Variants in NEO1 observed in about 807,000 individuals in gnomAD.
NEO1 encodes neogenin 1.
NEO1 carries 63 observed loss-of-function variants against 159.7 expected under a neutral mutation model. The observed-to-expected ratio is 0.39, with a 90% confidence interval of 0.32 to 0.49. The LOEUF (loss-of-function observed/expected upper bound fraction) is 0.49, where lower values mean the gene tolerates loss of function less well. Among genes scored for constraint, NEO1 ranks in the 20% least tolerant of loss-of-function variants. The pLI is 0.85. For synonymous variants in NEO1, 633 were observed against 662.0 expected, an observed-to-expected ratio of 0.96 and a Z score of 0.67; for missense variants, 1,615 against 1,831.0, an observed-to-expected ratio of 0.88 and a Z score of 2.15.
intron 1 of NEO1, among the ~76,000 whole-genome samples, chr15:73,109,299 A>G (rs1480160407): frequency 2.0e-5 from 3 of 152,178 alleles, no homozygotes; most frequent in Admixed American, 6.6e-5. Flanking sequence ...ATTTTATACA[A>G]ATTCTCTCTC....
chr15:73,288,368 A>G lies in NEO1; in HGVS notation c.3466A>G (p.Lys1156Glu). ...NGSHKYKGNS[K>E]DVKPPDLWIH... ...CTCTCATAAGTACAAAGGGAATTCC[A>G]AAGATGTGAAACCTCCAGATCTCTG... Residue 1156 changes from lysine to glutamate, a missense_variant, in exon 24 of 29, where the codon AAA becomes GAA. By Grantham distance (56) the Lys-to-Glu change is moderately conservative (BLOSUM62 1). Around this residue, in one of 3 missense-constraint regions of NEO1, gnomAD observed 471 missense variants for 498.9 expected, o/e 0.94. Transcript: ENST00000261908. 1 of 1,614,190 alleles carries G rather than the reference A, an allele frequency of 6.2e-7. No individual in the cohort carries two copies. Among genetic ancestry groups the G allele is most frequent in the South Asian group, 1.1e-5 (1 of 91,090 alleles).
intron 1 of NEO1, among the ~76,000 whole-genome samples, chr15:73,073,762 A>G (rs2068644225): frequency 6.6e-6 from 1 of 152,180 alleles, no homozygotes; most frequent in South Asian, 2.1e-4. Context: ...TTGGTTGACC[A>G]GAGAGGTAGG....
At chr15:73,127,206 G>A (rs1051440897) in intron 4 of NEO1, among the ~76,000 whole-genome samples, 1 of 149,680 alleles carries the variant, frequency 6.7e-6, no homozygotes, top group African/African-American at 2.5e-5. Flanking sequence ...ACTCTAGCCT[G>A]GGCGAGAGAC....
chr15:73,256,090 A>G (rs1371486650), intron 13 of NEO1: 1 of 152,224 alleles, frequency 6.6e-6, no homozygotes, highest in African/African-American at 2.4e-5. Context: ...AACTTTCTTT[A>G]TATTTTATCT....
At chr15:73,064,410 G>C (rs1245731800) in intron 1 of NEO1, among the ~76,000 whole-genome samples, 1 of 152,064 alleles carries the variant, frequency 6.6e-6, no homozygotes, top group African/African-American at 2.4e-5. Flanking sequence ...TAGTTGAATT[G>C]TTTTAACTTA....
chr15:73,149,099 G>A (rs1440186819), intron 5 of NEO1, among the ~76,000 whole-genome samples: 5 of 151,896 alleles, frequency 3.3e-5, no homozygotes, highest in East Asian at 1.9e-4. Context: ...AGTGGATCAC[G>A]AGGTCAAGAG....
intron 1 of NEO1, among the ~76,000 whole-genome samples, chr15:73,104,859 A>C (rs1015631317): frequency 6.6e-6 from 1 of 152,014 alleles, no homozygotes; most frequent in African/African-American, 2.4e-5. Flanking sequence ...AAGGTGCCAC[A>C]CACTTTTAAA....
chr15:73,190,927 A>T (rs2036204848), intron 7 of NEO1, among the ~76,000 whole-genome samples: 1 of 152,046 alleles, frequency 6.6e-6, no homozygotes, highest in South Asian at 2.1e-4. Flanking sequence ...AAAATAAAGG[A>T]ATTAAATTTA....
intron 1 of NEO1, among the ~76,000 whole-genome samples, chr15:73,071,418 C>A (rs1364738913): frequency 6.6e-6 from 1 of 152,164 alleles, no homozygotes; most frequent in African/African-American, 2.4e-5. Flanking sequence ...GATATTGCTT[C>A]AGAATTTAAA....
intron 7 of NEO1, among the ~76,000 whole-genome samples, chr15:73,210,068 C>T (rs62017779): frequency 6.6e-6 from 1 of 151,916 alleles, no homozygotes; most frequent in African/African-American, 2.4e-5. Flanking sequence ...CCATATAGAT[C>T]CTATCTGAAG....
intron 7 of NEO1, among the ~76,000 whole-genome samples, chr15:73,197,229 C>T (rs942659583): frequency 2.6e-5 from 4 of 151,998 alleles, no homozygotes; most frequent in African/African-American, 9.7e-5. Context: ...TGTGGTAGCA[C>T]GTTCCTGTAG....
chr15:73,241,416 A>G (rs1307108257), intron 8 of NEO1, among the ~76,000 whole-genome samples: 5 of 152,232 alleles, frequency 3.3e-5, no homozygotes, highest in Non-Finnish European at 7.3e-5. Context: ...GAAATGTTAC[A>G]TAGGTAACTA....
intron 5 of NEO1, among the ~76,000 whole-genome samples, chr15:73,164,232 C>T (rs1333335170): frequency 3.9e-5 from 5 of 129,724 alleles, no homozygotes; most frequent in South Asian, 2.4e-4. Flanking sequence ...TTTTTTGAGA[C>T]GAAGTCTTGT....
chr15:73,263,720 T>TA (rs1249477343), intron 15 of NEO1, among the ~76,000 whole-genome samples: 1 of 152,180 alleles, frequency 6.6e-6, no homozygotes, highest in African/African-American at 2.4e-5. Flanking sequence ...ACAGAAGAGT[T>TA]ATATTCATCC....
At chr15:73,162,867 T>C in intron 5 of NEO1, 1 of 182,618 alleles carries the variant, frequency 5.5e-6, no homozygotes, top group Non-Finnish European at 1.2e-5. Context: ...AGCCTTTGGT[T>C]CACAATGAAA....
intron 26 of NEO1, 73 bp downstream of exon 26, chr15:73,293,621 G>A: frequency 2.0e-6 from 3 of 1,467,202 alleles, no homozygotes; most frequent in Non-Finnish European, 2.8e-6. Context: ...GGAAGGACTT[G>A]CCCTACTTAG....
At chr15:73,223,622 C>T (rs557254169) in intron 7 of NEO1, among the ~76,000 whole-genome samples, 2 of 152,118 alleles carry the variant, frequency 1.3e-5, no homozygotes, top group East Asian at 3.9e-4. Context: ...TTTTGGTGTC[C>T]ATTTGCATGC....
intron 1 of NEO1, among the ~76,000 whole-genome samples, chr15:73,068,293 C>T (rs1460364594): frequency 7.9e-6 from 1 of 127,158 alleles, no homozygotes; most frequent in Non-Finnish European, 1.6e-5. Flanking sequence ...GGGTTCTCGG[C>T]TCACTGCAAC....
intron 6 of NEO1, among the ~76,000 whole-genome samples, chr15:73,177,159 G>T (rs1259141985): frequency 2.6e-5 from 4 of 151,946 alleles, no homozygotes; most frequent in Admixed American, 6.6e-5. Flanking sequence ...AGCCATAATT[G>T]CTTTTTACTA....
Sources: gnomAD v4.1 joint callset for allele counts (sites outside exome capture counted in the v4.1 genomes callset) on GRCh38, gnomAD v4.1.1 for gene constraint, gnomAD v4.1.1 regional missense constraint, MANE v1.5 for transcripts, NCBI Gene and HGNC (gene_info 2026-07-23, HGNC 2026-07-21) for gene names.